Variants in MAP2K5 observed in about 807,000 individuals in gnomAD.
MAP2K5 encodes the protein dual specificity mitogen-activated protein kinase kinase 5.
Under a neutral mutation model 83.1 loss-of-function variants are expected in MAP2K5, and 49 were observed. That is an observed-to-expected ratio of 0.59 (90% confidence interval 0.47 to 0.75). The LOEUF (loss-of-function observed/expected upper bound fraction) is 0.75. MAP2K5 is among the 30% of genes least tolerant of loss of function. MAP2K5 has a pLI of 0.00. For missense variants in MAP2K5, 457 were observed against 557.5 expected (o/e 0.82, Z 1.82); for synonymous variants, 202 against 191.8 (o/e 1.05, Z -0.44).
chr15:67,588,985 G>GT lies in MAP2K5; in HGVS notation c.431+2082dup, dbSNP rs532048235. Among the ~76,000 whole-genome samples, 120 of 148,118 alleles carry GT rather than the reference G, an allele frequency of 8.1e-4. No homozygotes were observed. In the South Asian group the frequency reaches 0.011, roughly 13 times the overall value. ...CTTGCACCACAATCCCTGATTAAGTGTTTTTTTTTTATTTTTTTAAATTTT... is the reference window on the plus strand; with the variant it reads ...CTTGCACCACAATCCCTGATTAAGTGTTTTTTTTTTTATTTTTTTAAATTTT... On this transcript the variant is annotated intron_variant, in intron 6 of 21. Coordinates refer to ENST00000178640, the MANE Select transcript of MAP2K5 (RefSeq NM_145160.3).
In MAP2K5 at chr15:67,563,455, C is replaced by T. The variant is rs376758490; in HGVS notation, c.252+105C>T. ...GAGTAAATAAATCACAGTTGTCATACATTTTTCTATATAATAGGTAAAGGT... is the reference window on the plus strand; with the variant it reads ...GAGTAAATAAATCACAGTTGTCATATATTTTTCTATATAATAGGTAAAGGT... On this transcript the variant is annotated intron_variant, in intron 3 of 21. Transcript: ENST00000178640. The surrounding 1 kb of genome is among the most constrained non-coding windows in gnomAD (Gnocchi z 4.5). 1 of 1,401,104 alleles carries T rather than the reference C, an allele frequency of 7.1e-7. No individual in the cohort carries two copies. The highest frequency in any genetic ancestry group is 9.5e-7 in the Non-Finnish European group (1 of 1,048,604). 86.8% of individuals were successfully genotyped at this position (1,401,104 alleles called of 1,614,324 possible).
At chr15:67,648,730 G>A (rs1480169629) in intron 11 of MAP2K5, among the ~76,000 whole-genome samples, 7 of 152,094 alleles carry the variant, frequency 4.6e-5, no homozygotes, top group African/African-American at 1.4e-4. Context: ...GACTACAGGC[G>A]CGTGCCACCA....
At chr15:67,560,303 A>G (rs1276532884) in intron 2 of MAP2K5, among the ~76,000 whole-genome samples, 1 of 152,226 alleles carries the variant, frequency 6.6e-6, no homozygotes, top group Non-Finnish European at 1.5e-5. Context: ...CAGTCTTCTC[A>G]TGGGTATGGT....
At chr15:67,776,089 T>C (rs946422960) in intron 21 of MAP2K5, among the ~76,000 whole-genome samples, 2 of 152,132 alleles carry the variant, frequency 1.3e-5, no homozygotes, top group African/African-American at 4.8e-5. Flanking sequence ...TTCAATTCTT[T>C]AAGAGCCTAT....
At chr15:67,773,368 A>G (rs779477799) in intron 21 of MAP2K5, among the ~76,000 whole-genome samples, 3 of 152,208 alleles carry the variant, frequency 2.0e-5, no homozygotes, top group Non-Finnish European at 4.4e-5. Flanking sequence ...TGATTTGACA[A>G]TGCACAAGCT....
chr15:67,791,531 G>A (rs886264913), intron 21 of MAP2K5, among the ~76,000 whole-genome samples: 5 of 152,178 alleles, frequency 3.3e-5, no homozygotes, highest in Non-Finnish European at 7.3e-5. Context: ...GTAAATGAAA[G>A]CACCTAGTGA....
At chr15:67,715,645 T>TA (rs1566939595) in intron 16 of MAP2K5, among the ~76,000 whole-genome samples, 2 of 151,940 alleles carry the variant, frequency 1.3e-5, no homozygotes, top group East Asian at 1.9e-4. Context: ...ATTTGAAATT[T>TA]AAAAAAAAGC....
chr15:67,575,836 A>G (rs1248362972), intron 3 of MAP2K5, among the ~76,000 whole-genome samples: 1 of 151,592 alleles, frequency 6.6e-6, no homozygotes, highest in Admixed American at 6.6e-5. Context: ...CCAATGAGTG[A>G]GGGTTAGTTC....
At chr15:67,742,898 C>CT (rs1230394252) in intron 17 of MAP2K5, among the ~76,000 whole-genome samples, 2 of 151,974 alleles carry the variant, frequency 1.3e-5, no homozygotes, top group Non-Finnish European at 2.9e-5. Flanking sequence ...CAGCCAGGTC[C>CT]TTTTTTTTCC....
At position 67,748,610 on chromosome 15, in the gene MAP2K5, TC is replaced by T. The variant is rs774974083; in HGVS notation, c.1134+10del. On this transcript the variant is annotated intron_variant, in intron 19 of 21. Transcript: ENST00000178640. The surrounding 1 kb of genome is among the most constrained non-coding windows in gnomAD (Gnocchi z 4.0). The stretch of plus-strand genomic sequence containing the variant: ...AGTGCATTGTTGATGAGGTGAGGCA[TC>T]GTCTTATGTGCTTTCACTCCTAAAG... 4 of 1,613,606 alleles carry T rather than the reference TC, an allele frequency of 2.5e-6. No homozygotes were observed. In the South Asian group the frequency reaches 4.4e-5, roughly 18 times the overall value.
At chr15:67,685,433 C>CA (rs2087929260) in intron 13 of MAP2K5, among the ~76,000 whole-genome samples, 2 of 151,882 alleles carry the variant, frequency 1.3e-5, no homozygotes, top group East Asian at 1.9e-4. Flanking sequence ...ACCAGCATTA[C>CA]AAAAAAATGT....
rs187487352 is a variant in MAP2K5, at chr15:67,720,941, C to T, written c.1045-6975C>T. On this transcript the variant is annotated intron_variant, in intron 16 of 21. Coordinates refer to ENST00000178640, the MANE Select transcript of MAP2K5 (RefSeq NM_145160.3). This position sits in a 1 kb window ranked among gnomAD's most constrained non-coding sequence, Gnocchi z 5.7. ...CCCAGGTTGAGACCTCAATGTATCA[C>T]GCTTTTCAGCATTCATGGTTAGGCT... Among the ~76,000 whole-genome samples, 18 of 152,276 alleles carry T rather than the reference C, an allele frequency of 1.2e-4. No homozygotes were observed. The East Asian group carries it at 2.7e-3, about 23-fold the overall frequency.
Position 67,690,965 on chromosome 15 carries a change from G to A in MAP2K5, c.848-1514G>A, listed in dbSNP as rs1050370692. Among the ~76,000 whole-genome samples, 4 of 152,186 alleles carry A rather than the reference G, an allele frequency of 2.6e-5. No individual in the cohort carries two copies. Among genetic ancestry groups the A allele is most frequent in the Non-Finnish European group, 5.9e-5 (4 of 68,038 alleles). ...TGTGAACTTATTTATTTCTTGGGGC[G>A]ATGATACCGATAAAAAGAGCTTACA... On this transcript the variant is annotated intron_variant, in intron 13 of 21. Transcript: ENST00000178640. This position sits in a 1 kb window ranked among gnomAD's most constrained non-coding sequence, Gnocchi z 4.3.
intron 17 of MAP2K5, among the ~76,000 whole-genome samples, chr15:67,744,250 C>T (rs1454315771): frequency 6.6e-6 from 1 of 152,052 alleles, no homozygotes; most frequent in East Asian, 1.9e-4. Context: ...GCCACAGCTC[C>T]TAAAATTTGA....
rs190157053 is a variant in MAP2K5 at position 67,708,863 on chromosome 15, A to G, written c.1044+5455A>G. Among the ~76,000 whole-genome samples, 16 of 152,112 alleles carry G rather than the reference A, an allele frequency of 1.1e-4. No individual in the cohort carries two copies. Among genetic ancestry groups the G allele is most frequent in the African/African-American group, 3.9e-4 (16 of 41,482 alleles). ...TTAAGCAAAGAAACTTTAATATCAG[A>G]CTATCTTTTATCCAGGGACAGAATC... On this transcript the variant is annotated intron_variant, in intron 16 of 21. Coordinates refer to ENST00000178640, the MANE Select transcript of MAP2K5 (RefSeq NM_145160.3). The surrounding 1 kb of genome is among the most constrained non-coding windows in gnomAD (Gnocchi z 4.9).
chr15:67,776,673 G>T (rs925520514), intron 21 of MAP2K5, among the ~76,000 whole-genome samples: 1 of 152,188 alleles, frequency 6.6e-6, no homozygotes, highest in Non-Finnish European at 1.5e-5. Context: ...TTCAATTTCT[G>T]TGTTTAAATA....
chr15:67,626,469 G>A (rs2086326194), intron 8 of MAP2K5, among the ~76,000 whole-genome samples: 1 of 152,152 alleles, frequency 6.6e-6, no homozygotes, highest in Admixed American at 6.5e-5. Flanking sequence ...GGAGGATGCA[G>A]TGAGCCGAGA....
In MAP2K5 at chr15:67,638,315, A is replaced by G. The variant is rs1282535272; in HGVS notation, c.585+7388A>G. Among the ~76,000 whole-genome samples the G allele has an allele frequency of 1.3e-5, 2 of 152,206 alleles. No homozygotes were observed. Among genetic ancestry groups the G allele is most frequent in the East Asian group, 3.8e-4 (2 of 5,196 alleles). On this transcript the variant is annotated intron_variant, in intron 9 of 21. Coordinates refer to ENST00000178640, the MANE Select transcript of MAP2K5 (RefSeq NM_145160.3). This position sits in a 1 kb window ranked among gnomAD's most constrained non-coding sequence, Gnocchi z 4.5. ...TTAGCTCCCACTTATAAGTGAGAAC[A>G]TGTGGTATTCGGTTTCCTGTTCTTG...
intron 8 of MAP2K5, among the ~76,000 whole-genome samples, chr15:67,629,956 T>G (rs566979468): frequency 1.3e-5 from 2 of 152,178 alleles, no homozygotes; most frequent in South Asian, 2.1e-4. Context: ...CATTTAAACA[T>G]AAAAGGTACG....
Sources: allele counts gnomAD v4.1 joint callset (sites outside exome capture counted in the v4.1 genomes callset), GRCh38; gene constraint gnomAD v4.1.1; non-coding constraint Gnocchi (gnomAD v3.1); transcripts MANE v1.5; gene names NCBI Gene and HGNC (gene_info 2026-07-23, HGNC 2026-07-21).